Variants in PARD3B observed in about 807,000 individuals in gnomAD.
The protein encoded by PARD3B is partitioning defective 3 homolog B.
In PARD3B, 103 loss-of-function variants were observed where a neutral mutation model predicts 130.2. The ratio of observed to expected loss-of-function variants is 0.79; its 90% CI spans 0.67 to 0.93. The LOEUF is 0.93. Among genes scored for constraint, PARD3B ranks in the 40% least tolerant of loss-of-function variants. PARD3B has a pLI of 0.00. For missense variants in PARD3B, 1,609 were observed against 1,499.2 expected (o/e 1.07, Z -1.21); for synonymous variants, 583 against 553.2 (o/e 1.05, Z -0.76).
intron 4 of PARD3B, among the ~76,000 whole-genome samples, chr2:205,071,144 T>C (rs976108653): frequency 6.6e-6 from 1 of 152,204 alleles, no homozygotes; most frequent in Non-Finnish European, 1.5e-5. Context: ...ATACAGTGTG[T>C]GCAAATCACC....
chr2:204,914,446 G>A (rs183526174), intron 2 of PARD3B, among the ~76,000 whole-genome samples: 9 of 152,234 alleles, frequency 5.9e-5, no homozygotes, highest in African/African-American at 2.2e-4. Context: ...CTTGTCTAAT[G>A]ACAGTGAGGG....
At chr2:204,838,464 C>T (rs2044139895) in intron 2 of PARD3B, among the ~76,000 whole-genome samples, 1 of 152,002 alleles carries the variant, frequency 6.6e-6, no homozygotes, top group African/African-American at 2.4e-5. Context: ...ATCCACCTGC[C>T]TCTACCTCCC....
At chr2:205,173,503 T>C (rs1412107300) in intron 12 of PARD3B, among the ~76,000 whole-genome samples, 1 of 152,192 alleles carries the variant, frequency 6.6e-6, no homozygotes, top group African/African-American at 2.4e-5. Flanking sequence ...TGATAAATAT[T>C]GAGTGAATGA....
At chr2:205,358,782 A>C (rs952256661) in intron 18 of PARD3B, among the ~76,000 whole-genome samples, 1 of 151,974 alleles carries the variant, frequency 6.6e-6, no homozygotes, top group African/African-American at 2.4e-5. Context: ...TTACATTCCT[A>C]CCACCTCGGT....
intron 2 of PARD3B, among the ~76,000 whole-genome samples, chr2:204,961,119 T>C (rs1241353081): frequency 2.0e-5 from 3 of 152,158 alleles, no homozygotes; most frequent in Non-Finnish European, 4.4e-5. Flanking sequence ...TTCTGGGCCA[T>C]TGCAGAGACT....
chr2:205,263,345 T>G lies in PARD3B; in HGVS notation c.2185+17523T>G, dbSNP rs1015760416. On this transcript the variant is annotated intron_variant, in intron 16 of 22. Coordinates refer to ENST00000406610, the MANE Select transcript of PARD3B (RefSeq NM_001302769.2). This position sits in a 1 kb window ranked among gnomAD's most constrained non-coding sequence, Gnocchi z 4.0. Reference sequence around the variant, plus strand: ...AAGCAGCAAGGAACATAAGAGGAGGTCCAAGCAAAAGCAGTGGATAACAGT... The same window carrying G: ...AAGCAGCAAGGAACATAAGAGGAGGGCCAAGCAAAAGCAGTGGATAACAGT... Among the ~76,000 whole-genome samples the G allele has an allele frequency of 7.1e-6, 1 of 141,066 alleles. No individual in the cohort carries two copies. Among genetic ancestry groups the G allele is most frequent in the African/African-American group, 2.6e-5 (1 of 38,438 alleles). 92.5% of individuals were successfully genotyped at this position (141,066 alleles called of 152,430 possible).
intron 2 of PARD3B, among the ~76,000 whole-genome samples, chr2:204,722,591 G>A (rs963898519): frequency 3.3e-5 from 5 of 152,142 alleles, no homozygotes; most frequent in African/African-American, 1.2e-4. Flanking sequence ...GAAGAGATAC[G>A]AGGCTTTAGG....
chr2:205,036,897 A>C (rs1697970118), intron 3 of PARD3B, among the ~76,000 whole-genome samples: 1 of 151,536 alleles, frequency 6.6e-6, no homozygotes, highest in Non-Finnish European at 1.5e-5. Flanking sequence ...GTATATATAA[A>C]GAACATATAT....
At chr2:204,798,441 A>G (rs574140801) in intron 2 of PARD3B, among the ~76,000 whole-genome samples, 1 of 152,226 alleles carries the variant, frequency 6.6e-6, no homozygotes, top group South Asian at 2.1e-4. Context: ...GTTCTAAATA[A>G]ACTTGAAAGG....
At chr2:205,248,757 A>G (rs1039976692) in intron 16 of PARD3B, among the ~76,000 whole-genome samples, 10 of 150,358 alleles carry the variant, frequency 6.7e-5, no homozygotes, top group Admixed American at 4.6e-4. Flanking sequence ...ACAGGCGCCC[A>G]CTACCGCGCC....
At chr2:205,197,521 A>G (rs948592200) in intron 15 of PARD3B, among the ~76,000 whole-genome samples, 7 of 152,164 alleles carry the variant, frequency 4.6e-5, no homozygotes, top group African/African-American at 1.4e-4. Flanking sequence ...CTATATATAC[A>G]TTATAAGTAT....
rs548995330 is a variant in PARD3B, at chr2:205,449,460, A to G, written c.3044+8788A>G. Among the ~76,000 whole-genome samples, 292 of 152,022 alleles carry G rather than the reference A, an allele frequency of 1.9e-3. 1 individual carries two copies. Among genetic ancestry groups the G allele is most frequent in the African/African-American group, 6.6e-3 (274 of 41,452 alleles). On this transcript the variant is annotated intron_variant, in intron 20 of 22. Transcript: ENST00000406610. ...TGGCCAGGCTGGTCTCGAACTCCTG[A>G]CCTCAGGTGATCCACCCGCCTAGGC...
chr2:204,617,602 G>T (rs569788985), intron 1 of PARD3B, among the ~76,000 whole-genome samples: 1 of 152,130 alleles, frequency 6.6e-6, no homozygotes, highest in Middle Eastern at 3.4e-3. Context: ...ACATGTGCAG[G>T]TTTGTTACAT....
chr2:204,823,767 G>C (rs566070153), intron 2 of PARD3B, among the ~76,000 whole-genome samples: 2 of 151,868 alleles, frequency 1.3e-5, no homozygotes, highest in Non-Finnish European at 2.9e-5. Context: ...TGGTGAAACC[G>C]TTTCTCTACT....
chr2:205,285,470 ACTT>A (rs2041358149), intron 16 of PARD3B, among the ~76,000 whole-genome samples: 1 of 152,080 alleles, frequency 6.6e-6, no homozygotes, highest in African/African-American at 2.4e-5. Context: ...AGGGTCACTG[ACTT>A]CAGAGGCCCC....
intron 15 of PARD3B, among the ~76,000 whole-genome samples, chr2:205,245,557 T>C (rs2039536313): frequency 6.6e-6 from 1 of 152,190 alleles, no homozygotes. Context: ...TGAAGTTATG[T>C]TCATAAAAGA....
At chr2:205,196,451 A>T (rs1366364733) in intron 15 of PARD3B, among the ~76,000 whole-genome samples, 1 of 152,090 alleles carries the variant, frequency 6.6e-6, no homozygotes, top group Non-Finnish European at 1.5e-5. Context: ...GTTACATGGG[A>T]TGCAAGTGAT....
At chr2:205,221,734 CTCTG>C (rs1364372429) in intron 15 of PARD3B, among the ~76,000 whole-genome samples, 2 of 151,894 alleles carry the variant, frequency 1.3e-5, no homozygotes, top group Admixed American at 6.6e-5. Context: ...GTCTCTCTCT[CTCTG>C]TCTGTCTGTC....
intron 1 of PARD3B, among the ~76,000 whole-genome samples, chr2:204,666,722 A>G (rs951876877): frequency 1.6e-4 from 24 of 152,200 alleles, no homozygotes; most frequent in African/African-American, 5.5e-4. Flanking sequence ...TGCTATGAAA[A>G]AAAAACACCT....
Sources: gnomAD v4.1 joint callset for allele counts (sites outside exome capture counted in the v4.1 genomes callset) on GRCh38, gnomAD v4.1.1 for gene constraint, Gnocchi (gnomAD v3.1) non-coding constraint, MANE v1.5 for transcripts, NCBI Gene and HGNC (gene_info 2026-07-23, HGNC 2026-07-21) for gene names.